INTS4: variants seen among roughly 807,000 people sequenced by gnomAD.
INTS4 encodes the protein MSTP093.
INTS4 carries 70 observed loss-of-function variants against 119.5 expected under a neutral mutation model. The observed-to-expected ratio is 0.59, with a 90% CI of 0.48 to 0.71. The LOEUF is 0.71. Among genes scored for constraint, INTS4 ranks in the 30% least tolerant of loss-of-function variants. INTS4 has a pLI of 0.00. For missense variants in INTS4, 867 were observed against 1,173.2 expected, an observed-to-expected ratio of 0.74 and a Z score of 3.81; for synonymous variants, 316 against 419.6, an observed-to-expected ratio of 0.75 and a Z score of 3.02.
intron 4 of INTS4, among the ~76,000 whole-genome samples, chr11:77,976,961 G>A (rs950527255): frequency 6.6e-6 from 1 of 152,030 alleles, no homozygotes; most frequent in Admixed American, 6.6e-5. Flanking sequence ...AGCATTTGGA[G>A]ATATACCTAA....
chr11:77,991,694 T>G lies in INTS4; in HGVS notation c.55-395A>C, dbSNP rs1282310118. On this transcript the variant is annotated intron_variant, in intron 1 of 22. Coordinates refer to ENST00000534064, the MANE Select transcript of INTS4 (RefSeq NM_033547.4). The stretch of plus-strand genomic sequence containing the variant: ...TGAGCCACGGTGCCCAGCCTTACAC[T>G]AACATTTTGCTCTACCTATCTCTGA... Among the ~76,000 whole-genome samples, 3 of 152,022 alleles carry G rather than the reference T, an allele frequency of 2.0e-5. No homozygotes were observed. The East Asian group carries it at 5.8e-4, about 29-fold the overall frequency.
Position 77,945,231 on chromosome 11 carries a change from C to G in INTS4, c.919-3980G>C, listed in dbSNP as rs150546443. Among the ~76,000 whole-genome samples, 615 of 152,310 alleles carry G rather than the reference C, an allele frequency of 4.0e-3. 2 individuals are homozygous for G. Among genetic ancestry groups the G allele is most frequent in the African/African-American group, 0.014 (581 of 41,572 alleles). The stretch of plus-strand genomic sequence containing the variant: ...CTATCAGTGGTCCCCACTGCTGCCA[C>G]AGGCACCAGCAATTCTTGATAAAGG... On this transcript the variant is annotated intron_variant, in intron 8 of 22. Coordinates refer to ENST00000534064, the MANE Select transcript of INTS4 (RefSeq NM_033547.4).
chr11:77,950,318 C>T (rs934602123), intron 8 of INTS4, among the ~76,000 whole-genome samples: 7 of 151,608 alleles, frequency 4.6e-5, no homozygotes, highest in African/African-American at 1.7e-4. Flanking sequence ...ATACCTATGT[C>T]ACAAACCTGC....
chr11:77,903,424 C>T, intron 17 of INTS4, 116 bp downstream of exon 17: 1 of 1,607,296 alleles, frequency 6.2e-7, no homozygotes, highest in Non-Finnish European at 8.5e-7. Flanking sequence ...CTACATGCCA[C>T]AACTTTTCCT....
intron 9 of INTS4, among the ~76,000 whole-genome samples, chr11:77,940,738 A>G (rs1184077454): frequency 6.6e-6 from 1 of 152,042 alleles, no homozygotes; most frequent in Non-Finnish European, 1.5e-5. Context: ...CCAGGGTTCA[A>G]GTGATTCCCT....
chr11:77,883,690 T>C, intron 22 of INTS4, 142 bp downstream of exon 22: 1 of 840,396 alleles, frequency 1.2e-6, no homozygotes, highest in Non-Finnish European at 1.8e-6. Flanking sequence ...ACTTAATGAG[T>C]GCTTATAAAC....
At position 77,899,584 on chromosome 11, in the gene INTS4, C is replaced by T. The variant is rs529053003; in HGVS notation, c.2228+1837G>A. ...ACTTGGGAGGCTGAGGCAGGAGAAT[C>T]GCTTGAACCCAGGAGGCAGAGGTTG... On this transcript the variant is annotated intron_variant, in intron 18 of 22. Coordinates refer to ENST00000534064, the MANE Select transcript of INTS4 (RefSeq NM_033547.4). 1.2e-3 allele frequency among the ~76,000 whole-genome samples: 176 copies of T among 151,436 alleles called. 1 individual carries two copies. The highest frequency in any genetic ancestry group is 3.8e-3 in the African/African-American group (155 of 41,026).
In INTS4 at chr11:77,994,605, G is replaced by C. The variant is rs747921947; in HGVS notation, c.39C>G (p.Phe13Leu). 6.2e-7 allele frequency: 1 copy of C among 1,613,844 alleles called. No homozygotes were observed. The highest frequency in any genetic ancestry group is 1.7e-5 in the Admixed American group (1 of 60,026). ...CAGAGCTTACCTGAACCACTTTCGTGAATTCCTCATAAACCCGCTTCTTAA... is the reference window on the plus strand; with the variant it reads ...CAGAGCTTACCTGAACCACTTTCGTCAATTCCTCATAAACCCGCTTCTTAA... ...AHLKKRVYEE[F>L]TKVVQPQEEI... The change falls in exon 1 of 23, where the codon TTC becomes TTG. Residue 13 changes from phenylalanine to leucine, a missense_variant. Around this residue, in one of 5 missense-constraint regions of INTS4, gnomAD observed 224 missense variants for 231.8 expected, o/e 0.97. Coordinates refer to ENST00000534064, the MANE Select transcript of INTS4 (RefSeq NM_033547.4).
intron 9 of INTS4, among the ~76,000 whole-genome samples, chr11:77,940,010 C>T (rs628198): frequency 0.75 from 113,492 of 151,968 alleles, 43,124 homozygotes; most frequent in African/African-American, 0.89. Context: ...CTCTATAATA[C>T]CACTTTTATA....
At chr11:77,881,036 A>G (rs1262801137) in intron 22 of INTS4, among the ~76,000 whole-genome samples, 1 of 152,204 alleles carries the variant, frequency 6.6e-6, no homozygotes, top group African/African-American at 2.4e-5. Flanking sequence ...TCCCTTACCA[A>G]CATTTGATAA....
At chr11:77,887,420 C>T (rs1157787984) in intron 21 of INTS4, among the ~76,000 whole-genome samples, 8 of 152,104 alleles carry the variant, frequency 5.3e-5, no homozygotes, top group Non-Finnish European at 1.2e-4. Context: ...TGAGACGTAT[C>T]TCAAAATAAT....
intron 10 of INTS4, among the ~76,000 whole-genome samples, chr11:77,933,869 G>A (rs187271471): frequency 0.19 from 28,355 of 151,926 alleles, 2,689 homozygotes; most frequent in Middle Eastern, 0.22. Context: ...CCCTCTGCCC[G>A]GCAGCCACCC....
chr11:77,972,335 G>C (rs1229473554), intron 4 of INTS4, among the ~76,000 whole-genome samples: 1 of 152,062 alleles, frequency 6.6e-6, no homozygotes, highest in Admixed American at 6.6e-5. Context: ...CCGGGCTCAA[G>C]TGATCTGCTC....
At chr11:77,886,162 C>A (rs1016611131) in intron 21 of INTS4, among the ~76,000 whole-genome samples, 9 of 152,064 alleles carry the variant, frequency 5.9e-5, no homozygotes, top group Non-Finnish European at 1.2e-4. Flanking sequence ...GCTGACCATG[C>A]CACTGCACTC....
intron 10 of INTS4, among the ~76,000 whole-genome samples, chr11:77,934,871 T>C (rs114488200): frequency 0.013 from 2,024 of 152,336 alleles, 44 homozygotes; most frequent in African/African-American, 0.047. Flanking sequence ...ATTCTTAACA[T>C]CTACTGATGA....
In INTS4 at chr11:77,891,026, C is replaced by CT. The variant is rs1261551385; in HGVS notation, c.2592+292dup. On this transcript the variant is annotated intron_variant, in intron 21 of 22. Transcript: ENST00000534064. ...GTCACATTACAAGATTAGAAAAGGTCTTATCATTTAGTGAACCCTTACTGG... is the reference window on the plus strand; with the variant it reads ...GTCACATTACAAGATTAGAAAAGGTCTTTATCATTTAGTGAACCCTTACTGG... Among the ~76,000 whole-genome samples, 7 of 152,290 alleles carry CT rather than the reference C, an allele frequency of 4.6e-5. No individual in the cohort carries two copies. In the South Asian group the frequency reaches 1.5e-3, roughly 32 times the overall value.
At chr11:77,985,362 C>T (rs937151073) in intron 2 of INTS4, among the ~76,000 whole-genome samples, 1 of 152,206 alleles carries the variant, frequency 6.6e-6, no homozygotes, top group African/African-American at 2.4e-5. Flanking sequence ...AAACTAGCTG[C>T]ATTTCTTCTA....
downstream of INTS4, among the ~76,000 whole-genome samples, chr11:77,875,105 G>A (rs1951560824): frequency 6.6e-6 from 1 of 151,306 alleles, no homozygotes; most frequent in South Asian, 2.1e-4. Context: ...CTCCATGATT[G>A]TGTTTGCTGA....
chr11:77,982,385 G>A (rs369928615), intron 2 of INTS4, among the ~76,000 whole-genome samples: 1 of 152,068 alleles, frequency 6.6e-6, no homozygotes, highest in East Asian at 1.9e-4. Flanking sequence ...CAATCCTCCT[G>A]CCTTGGCTTC....
Sources: allele counts gnomAD v4.1 joint callset (sites outside exome capture counted in the v4.1 genomes callset), GRCh38; gene constraint gnomAD v4.1.1; regional missense constraint gnomAD v4.1.1; transcripts MANE v1.5; gene names NCBI Gene and HGNC (gene_info 2026-07-23, HGNC 2026-07-21).